Variants in SLC12A4 observed in about 807,000 individuals in gnomAD.
The protein encoded by SLC12A4 is electroneutral potassium-chloride cotransporter 1.
Under a neutral mutation model 119.2 loss-of-function variants are expected in SLC12A4, and 84 were observed. That is an observed-to-expected ratio of 0.70 (90% CI 0.59 to 0.85). SLC12A4 has a LOEUF of 0.85. Ranked by LOEUF, SLC12A4 falls within the 40% of genes least tolerant of loss-of-function variation. The probability of loss-of-function intolerance (pLI) is 0.00; values close to 1 mark genes in which losing one functional copy is unlikely to be tolerated. For missense variants in SLC12A4, 1,298 were observed against 1,476.3 expected, an observed-to-expected ratio of 0.88 and a Z score of 1.98; for synonymous variants, 599 against 604.6, an observed-to-expected ratio of 0.99 and a Z score of 0.14.
intron 3 of SLC12A4, among the ~76,000 whole-genome samples, chr16:67,959,545 C>T (rs914513754): frequency 2.0e-5 from 3 of 152,180 alleles, no homozygotes; most frequent in Non-Finnish European, 4.4e-5. Context: ...TTCAGAAGAG[C>T]CTCAGCAAAA....
At position 67,946,820 on chromosome 16, in the gene SLC12A4, G is replaced by A. The variant is rs2058356314; in HGVS notation, c.2241+117C>T. ...TCCCCCTTGTGCCAGCTCTCAGGTG[G>A]CAGCAGTGCTGGCTGCCTGGCTGGC... On this transcript the variant is annotated intron_variant, in intron 17 of 23. Coordinates refer to ENST00000316341, the MANE Select transcript of SLC12A4 (RefSeq NM_005072.5). The A allele has an allele frequency of 2.3e-6, 3 of 1,307,272 alleles. No homozygotes were observed. The African/African-American group carries it at 4.4e-5, about 19-fold the overall frequency. The allele number at this position is 1,307,272 out of a possible 1,614,324, so 81.0% of individuals were successfully genotyped here. A position where few individuals can be genotyped will look rare whatever the true frequency, so the allele number is the denominator to read the frequency against.
At chr16:67,958,140 G>C in intron 3 of SLC12A4, 96 bp from the exon 4 acceptor site, 4 of 1,369,444 alleles carry the variant, frequency 2.9e-6, no homozygotes, top group Non-Finnish European at 4.0e-6. Flanking sequence ...TCCCCCAGTG[G>C]GGCCCCAGGG....
At chr16:67,947,942 A>G in intron 14 of SLC12A4, 119 bp downstream of exon 14, 2 of 1,470,288 alleles carry the variant, frequency 1.4e-6, no homozygotes, top group South Asian at 1.1e-5. Flanking sequence ...AGTCCCCCGC[A>G]GCCCTATAAT....
chr16:67,960,685 G>C (rs1388040175), intron 3 of SLC12A4, among the ~76,000 whole-genome samples: 3 of 151,484 alleles, frequency 2.0e-5, no homozygotes, highest in Admixed American at 6.6e-5. Flanking sequence ...GTGTGGAGAG[G>C]GAGGGTCCCT....
chr16:67,948,930 G>T (rs1421546386), intron 13 of SLC12A4, among the ~76,000 whole-genome samples: 1 of 152,202 alleles, frequency 6.6e-6, no homozygotes, highest in Non-Finnish European at 1.5e-5. Flanking sequence ...CCCCTGTCAA[G>T]TCTGCAGGCT....
Position 67,944,610 on chromosome 16 carries a change from G to A in SLC12A4, c.*230C>T. 2.1e-6 allele frequency: 3 copies of A among 1,400,362 alleles called. No individual in the cohort carries two copies. The highest frequency in any genetic ancestry group is 1.6e-5 in the South Asian group (1 of 62,018). The allele number at this position is 1,400,362 out of a possible 1,614,324, so 86.7% of individuals were successfully genotyped here. On this transcript the variant is annotated 3_prime_UTR_variant, in exon 24 of 24. Coordinates refer to ENST00000316341, the MANE Select transcript of SLC12A4 (RefSeq NM_005072.5). The surrounding 1 kb of genome is among the most constrained non-coding windows in gnomAD (Gnocchi z 6.6). The stretch of plus-strand genomic sequence containing the variant: ...CTCTGGCCAGGACAGGCCTACTGGG[G>A]TGCTAGATAGTAAAGTCCCCAAACA...
Position 67,954,555 on chromosome 16 carries a change from TG to T in SLC12A4, c.675+87del, listed in dbSNP as rs1328200325. 52 of 1,521,536 alleles carry T rather than the reference TG, an allele frequency of 3.4e-5. No individual in the cohort carries two copies. In the South Asian group the frequency reaches 5.8e-4, roughly 17 times the overall value. The allele number at this position is 1,521,536 out of a possible 1,614,324, so 94.3% of individuals were successfully genotyped here. A position where few individuals can be genotyped will look rare whatever the true frequency, so the allele number is the denominator to read the frequency against. On this transcript the variant is annotated intron_variant, in intron 6 of 23. Coordinates refer to ENST00000316341, the MANE Select transcript of SLC12A4 (RefSeq NM_005072.5). Reference sequence around the variant, plus strand: ...AATACCCAGGCCTTGGCCAGACATGTGGGGATGAACAGCCTGAGCCTTCTGT... The same window carrying T: ...AATACCCAGGCCTTGGCCAGACATGTGGGATGAACAGCCTGAGCCTTCTGT...
Position 67,944,592 on chromosome 16 carries a change from C to T in SLC12A4, c.*248G>A, listed in dbSNP as rs572225766. 101 of 1,356,574 alleles carry T rather than the reference C, an allele frequency of 7.4e-5. No individual in the cohort carries two copies. The highest frequency in any genetic ancestry group is 3.6e-4 in the Admixed American group (11 of 30,640). The allele number at this position is 1,356,574 out of a possible 1,614,324, so 84.0% of individuals were successfully genotyped here. On this transcript the variant is annotated 3_prime_UTR_variant, in exon 24 of 24. Transcript: ENST00000316341. This position sits in a 1 kb window ranked among gnomAD's most constrained non-coding sequence, Gnocchi z 6.6. Reference sequence around the variant, plus strand: ...TCGGCCCCTACCAGTCTTCTCTGGCCAGGACAGGCCTACTGGGGTGCTAGA... The same window carrying T: ...TCGGCCCCTACCAGTCTTCTCTGGCTAGGACAGGCCTACTGGGGTGCTAGA...
intron 16 of SLC12A4, 51 bp from the exon 17 acceptor site, chr16:67,947,156 G>A (rs2058360401): frequency 6.5e-7 from 1 of 1,540,348 alleles, no homozygotes; most frequent in Non-Finnish European, 8.7e-7. Flanking sequence ...CCGTTCTAGG[G>A]AGCCCCTCCT....
intron 3 of SLC12A4, among the ~76,000 whole-genome samples, chr16:67,960,459 G>C (rs761691411): frequency 8.6e-5 from 13 of 152,036 alleles, no homozygotes; most frequent in Non-Finnish European, 1.3e-4. Flanking sequence ...CCTCCCTGAA[G>C]GGCAAGGTGA....
chr16:67,966,076 T>C (rs983779273), intron 1 of SLC12A4, among the ~76,000 whole-genome samples: 7 of 152,194 alleles, frequency 4.6e-5, no homozygotes, highest in Non-Finnish European at 8.8e-5. Context: ...CAGACTGGCT[T>C]GGATTCCCAG....
chr16:67,947,442 A>C lies in SLC12A4; in HGVS notation c.1968-7T>G. The C allele has an allele frequency of 6.2e-7, 1 of 1,610,550 alleles. No individual in the cohort carries two copies. On this transcript the variant is annotated splice_polypyrimidine_tract_variant and splice_region_variant and intron_variant, in intron 15 of 23. Transcript: ENST00000316341. ...ACCCCACTCCTTCTCAGCCCTGCAGATTCCACCACAGCTGGTGAGCCCCTG... is the reference window on the plus strand; with the variant it reads ...ACCCCACTCCTTCTCAGCCCTGCAGCTTCCACCACAGCTGGTGAGCCCCTG...
At chr16:67,947,820 G>A in intron 14 of SLC12A4, 32 bp from the exon 15 acceptor site, 1 of 1,558,148 alleles carries the variant, frequency 6.4e-7, no homozygotes, top group Non-Finnish European at 8.7e-7. Flanking sequence ...AGTCAGGGCA[G>A]GACCAGGAGG....
rs1461402723 is a variant in SLC12A4 at position 67,954,757 on chromosome 16, G to A, written c.561C>T (p.Phe187=). ...CTGGCCCCAGTGAACGAGAGATCAT[G>A]AAATAGGAGCCCCCAGCTACAGCAG... The part of the protein sequence containing the change: ...NGVVPAGGSY[F]MISRSLGPEF... The change falls in exon 6 of 24, where the codon TTC becomes TTT. Residue 187 remains phenylalanine (F), a synonymous_variant. Coordinates refer to ENST00000316341, the MANE Select transcript of SLC12A4 (RefSeq NM_005072.5). 2 of 1,614,172 alleles carry A rather than the reference G, an allele frequency of 1.2e-6. No individual in the cohort carries two copies. Among genetic ancestry groups the A allele is most frequent in the South Asian group, 1.1e-5 (1 of 91,082 alleles).
chr16:67,945,638 C>G (rs76074266), intron 21 of SLC12A4, 85 bp from the exon 22 acceptor site: 63,107 of 1,522,198 alleles, frequency 0.041, 1,538 homozygotes, highest in Middle Eastern at 0.06. Context: ...ACCTTGCCTC[C>G]GGGAAATGAG....
intron 1 of SLC12A4, among the ~76,000 whole-genome samples, chr16:67,967,250 C>T (rs2030907102): frequency 6.6e-6 from 1 of 152,220 alleles, no homozygotes; most frequent in Admixed American, 6.5e-5. Context: ...TGGATCATCT[C>T]AGTCGTGTCA....
chr16:67,947,682 T>C lies in SLC12A4; in HGVS notation c.1954A>G (p.Ile652Val). 4 of 1,599,090 alleles carry C rather than the reference T, an allele frequency of 2.5e-6. No homozygotes were observed. The highest frequency in any genetic ancestry group is 3.4e-6 in the Non-Finnish European group (4 of 1,173,276). ...MLIAGMIYKYIEYQGAEKEWG... is the reference protein window; with the variant it reads ...MLIAGMIYKYVEYQGAEKEWG... Reference sequence around the variant, plus strand: ...GTGCTCACTCACCCTTGGTACTCGATGTATTTGTAGATCATGCCGGCGATG... The same window carrying C: ...GTGCTCACTCACCCTTGGTACTCGACGTATTTGTAGATCATGCCGGCGATG... Residue 652 changes from isoleucine to valine, a missense_variant, in exon 15 of 24, where the codon ATC becomes GTC. Ile to Val is a conservative substitution (Grantham distance 29). Transcript: ENST00000316341.
At position 67,948,085 on chromosome 16, in the gene SLC12A4, C is replaced by T. The variant is rs781090815; in HGVS notation, c.1823G>A (p.Arg608Gln). ...VQTLLRTPNW[R>Q]PRFKYYHWAL... ...CCAGTGATAGTACTTGAACCGGGGC[C>T]GCCAGTTGGGGGTCCTCAGGAGTGT... Residue 608 changes from arginine to glutamine, a missense_variant, in exon 14 of 24, where the codon CGG becomes CAG. Coordinates refer to ENST00000316341, the MANE Select transcript of SLC12A4 (RefSeq NM_005072.5). The T allele has an allele frequency of 7.4e-6, 12 of 1,613,040 alleles. No homozygotes were observed. Among genetic ancestry groups the T allele is most frequent in the Non-Finnish European group, 5.1e-6 (6 of 1,179,954 alleles).
At chr16:67,946,718 G>T (rs2058355033) in intron 17 of SLC12A4, 85 bp from the exon 18 acceptor site, 2 of 1,478,562 alleles carry the variant, frequency 1.4e-6, no homozygotes, top group Non-Finnish European at 9.1e-7. Flanking sequence ...GGAACAAAAC[G>T]ACTTTTGGGT....
Sources: gnomAD v4.1 joint callset for allele counts (sites outside exome capture counted in the v4.1 genomes callset) on GRCh38, gnomAD v4.1.1 for gene constraint, Gnocchi (gnomAD v3.1) non-coding constraint, MANE v1.5 for transcripts, NCBI Gene and HGNC (gene_info 2026-07-23, HGNC 2026-07-21) for gene names.